KIF18B: variants seen among roughly 807,000 people sequenced by gnomAD.
KIF18B encodes kinesin-like protein KIF18B.
In KIF18B, 49 loss-of-function variants were observed where a neutral mutation model predicts 80.9. That is an observed-to-expected ratio of 0.61 (90% CI 0.48 to 0.77). The LOEUF is 0.77. Among genes scored for constraint, KIF18B ranks in the 30% least tolerant of loss-of-function variants. KIF18B has a pLI of 0.00. For synonymous variants in KIF18B, 439 were observed against 463.9 expected, an observed-to-expected ratio of 0.95 and a Z score of 0.69; for missense variants, 994 against 1,127.7, an observed-to-expected ratio of 0.88 and a Z score of 1.70.
chr17:44,945,938 G>A (rs2052504926), intron 1 of KIF18B, among the ~76,000 whole-genome samples: 1 of 150,812 alleles, frequency 6.6e-6, no homozygotes, highest in Admixed American at 6.6e-5. Flanking sequence ...TCCAAACATG[G>A]GCTGGGCACA....
In KIF18B at chr17:44,932,671, A is replaced by G. The variant is rs2052182199; in HGVS notation, c.1238+2T>C. On this transcript the variant is annotated splice_donor_variant, in intron 9 of 15. Coordinates refer to ENST00000593135, the MANE Select transcript of KIF18B (RefSeq NM_001265577.2). LOFTEE classifies it high-confidence loss of function. The stretch of plus-strand genomic sequence containing the variant: ...GGGGCGGGAATGGGCAGTGGAACTC[A>G]CTGTTCTGGTGGTGGTCCCGACTTG... The G allele has an allele frequency of 6.3e-7, 1 of 1,596,654 alleles. No homozygotes were observed. Among genetic ancestry groups the G allele is most frequent in the Non-Finnish European group, 8.6e-7 (1 of 1,166,162 alleles).
At chr17:44,938,999 G>C (rs1056409391) in intron 1 of KIF18B, among the ~76,000 whole-genome samples, 2 of 150,752 alleles carry the variant, frequency 1.3e-5, no homozygotes. Context: ...AGCTGAGATC[G>C]TACCACTGCA....
intron 1 of KIF18B, among the ~76,000 whole-genome samples, chr17:44,941,408 G>A (rs138763258): frequency 0.013 from 1,900 of 146,970 alleles, 24 homozygotes; most frequent in African/African-American, 0.037. Context: ...GCACGATCTT[G>A]GCTCACTGCA....
At chr17:44,942,529 C>T (rs1407826316) in intron 1 of KIF18B, among the ~76,000 whole-genome samples, 3 of 152,178 alleles carry the variant, frequency 2.0e-5, no homozygotes, top group Non-Finnish European at 4.4e-5. Flanking sequence ...GAAGCCCAGC[C>T]CCTGGACGTC....
In KIF18B at chr17:44,936,199, A is replaced by T; in HGVS notation, c.146T>A (p.Phe49Tyr). 1 of 1,612,272 alleles carries T rather than the reference A, an allele frequency of 6.2e-7. No individual in the cohort carries two copies. Among genetic ancestry groups the T allele is most frequent in the African/African-American group, 1.3e-5 (1 of 74,974 alleles). The change falls in exon 2 of 16, where the codon TTC (phenylalanine) becomes TAC (tyrosine). Residue 49 changes from phenylalanine (F) to tyrosine (Y), a missense_variant. Physicochemically the swap from Phe to Tyr is conservative, Grantham distance 22. Coordinates refer to ENST00000593135, the MANE Select transcript of KIF18B (RefSeq NM_001265577.2). Reference protein sequence around the residue: ...VFNPEEPDGGFPGLKWGGTHD... With the variant: ...VFNPEEPDGGYPGLKWGGTHD... ...GGTGCCACCCCATTTCAGGCCAGGGAACCCTCCATCGGGCTCCTCAGGGTT... is the reference window on the plus strand; with the variant it reads ...GGTGCCACCCCATTTCAGGCCAGGGTACCCTCCATCGGGCTCCTCAGGGTT...
chr17:44,935,474 T>C, intron 2 of KIF18B, 58 bp from the exon 3 acceptor site: 2 of 1,496,600 alleles, frequency 1.3e-6, no homozygotes. Context: ...GCTCAGCCCT[T>C]CCCTCCTCCC....
chr17:44,928,261 A>T lies in KIF18B; in HGVS notation c.2041T>A (p.Ser681Thr). The T allele has an allele frequency of 6.2e-7, 1 of 1,613,194 alleles. No individual in the cohort carries two copies. Among genetic ancestry groups the T allele is most frequent in the Non-Finnish European group, 8.5e-7 (1 of 1,179,710 alleles). Residue 681 changes from serine (S) to threonine (T), a missense_variant, in exon 13 of 16, where the codon TCC becomes ACC. By Grantham distance (58) the Ser-to-Thr change is moderately conservative. Transcript: ENST00000593135. ...GPSTPKGERA[S>T]SPCHSPRVCP... ...ACGCGAGGGGAATGGCAGGGGGAGG[A>T]GGCCCTTTCTCCTTTGGGGGTGCTG...
rs1324223044 is a variant in KIF18B at position 44,934,712 on chromosome 17, C to G, written c.577-95G>C. The G allele has an allele frequency of 1.3e-5, 16 of 1,279,268 alleles. No individual in the cohort carries two copies. Among genetic ancestry groups the G allele is most frequent in the South Asian group, 5.8e-5 (4 of 68,918 alleles). The allele number at this position is 1,279,268 out of a possible 1,614,324, so 79.2% of individuals were successfully genotyped here. ...CTGCTCTTCAGAATCTACATCACCC[C>G]CTTGCTACCACCACCACTGCTACCA... On this transcript the variant is annotated intron_variant, in intron 4 of 15. Transcript: ENST00000593135. This position sits in a 1 kb window ranked among gnomAD's most constrained non-coding sequence, Gnocchi z 5.4.
At chr17:44,944,985 T>C (rs1306796694) in intron 1 of KIF18B, among the ~76,000 whole-genome samples, 1 of 152,258 alleles carries the variant, frequency 6.6e-6, no homozygotes, top group Non-Finnish European at 1.5e-5. Flanking sequence ...TTTAAAATTA[T>C]TATTCTTTTC....
intron 1 of KIF18B, among the ~76,000 whole-genome samples, chr17:44,936,620 ATATATTTTTTTTTTTT>A (rs1567796252): frequency 8.0e-4 from 48 of 60,150 alleles, no homozygotes; most frequent in African/African-American, 2.1e-3. Context: ...ATATATATAT[ATATATTTTTTTTTTTT>A]TTTTTTTTTT....
intron 1 of KIF18B, among the ~76,000 whole-genome samples, chr17:44,945,261 A>G (rs1401195884): frequency 3.3e-5 from 5 of 152,128 alleles, no homozygotes; most frequent in African/African-American, 1.2e-4. Context: ...GGGTTTCACC[A>G]TATTGCCCAG....
intron 14 of KIF18B, 58 bp downstream of exon 14, chr17:44,926,931 A>G: frequency 6.9e-7 from 1 of 1,453,228 alleles, no homozygotes; most frequent in Non-Finnish European, 9.5e-7. Context: ...CCAGGTGTCT[A>G]CTGCCCTGGT....
At chr17:44,935,126 C>G (rs948206413) in intron 3 of KIF18B, 133 bp downstream of exon 3, 1 of 981,806 alleles carries the variant, frequency 1.0e-6, no homozygotes, top group Admixed American at 2.8e-5. Flanking sequence ...TCTCACTGAG[C>G]AGTATCTATC....
chr17:44,931,757 G>A, intron 10 of KIF18B, 28 bp from the exon 11 acceptor site: 1 of 1,612,246 alleles, frequency 6.2e-7, no homozygotes, highest in South Asian at 1.1e-5. Flanking sequence ...GGCACAGGTA[G>A]AGGGGCCAGG....
At chr17:44,936,594 CTCTCTATATATATATA>C (rs1284331023) in intron 1 of KIF18B, among the ~76,000 whole-genome samples, 1 of 45,114 alleles carries the variant, frequency 2.2e-5, no homozygotes, top group African/African-American at 8.8e-5. Context: ...CTCTCTCTCT[CTCTCTATATATATATA>C]TATATATATA....
At chr17:44,944,325 C>G (rs538066406) in intron 1 of KIF18B, among the ~76,000 whole-genome samples, 2 of 152,222 alleles carry the variant, frequency 1.3e-5, no homozygotes, top group South Asian at 4.1e-4. Flanking sequence ...TCACTGCAAC[C>G]TCCGAGTCCC....
At chr17:44,932,548 C>T in intron 9 of KIF18B, 125 bp downstream of exon 9, 2 of 697,852 alleles carry the variant, frequency 2.9e-6, no homozygotes, top group South Asian at 1.6e-5. Flanking sequence ...TGGGTGCAAA[C>T]CCTTAACCCT....
At chr17:44,940,706 G>C (rs149961283) in intron 1 of KIF18B, among the ~76,000 whole-genome samples, 199 of 152,308 alleles carry the variant, frequency 1.3e-3, no homozygotes, top group African/African-American at 4.7e-3. Context: ...GTAAAGACTA[G>C]CTTCCACTGG....
chr17:44,935,902 T>C, intron 2 of KIF18B, 130 bp downstream of exon 2: 1 of 768,520 alleles, frequency 1.3e-6, no homozygotes. Context: ...GATGGGACAT[T>C]GTACAAAACT....
Sources: gnomAD v4.1 joint callset for allele counts (sites outside exome capture counted in the v4.1 genomes callset) on GRCh38, gnomAD v4.1.1 for gene constraint, Gnocchi (gnomAD v3.1) non-coding constraint, MANE v1.5 for transcripts, NCBI Gene and HGNC (gene_info 2026-07-23, HGNC 2026-07-21) for gene names.